CCDC66: variants seen among roughly 807,000 people sequenced by gnomAD.
The protein encoded by CCDC66 is coiled-coil domain containing 66.
In CCDC66, 133 loss-of-function variants were observed where a neutral mutation model predicts 128.3. The ratio of observed to expected loss-of-function variants is 1.04; its 90% CI spans 0.90 to 1.20. The LOEUF is 1.20. CCDC66 is among the 50% of genes most tolerant of loss of function. The pLI is 0.00. For synonymous variants in CCDC66, 387 were observed against 357.0 expected (o/e 1.08, Z -0.95); for missense variants, 1,126 against 1,075.5 (o/e 1.05, Z -0.66).
intron 10 of CCDC66, among the ~76,000 whole-genome samples, chr3:56,595,183 G>C (rs190158637): frequency 6.6e-6 from 1 of 152,128 alleles, no homozygotes; most frequent in East Asian, 1.9e-4. Flanking sequence ...TGTAGAATGC[G>C]TAATGATTCA....
chr3:56,585,894 G>C (rs1206510936), intron 7 of CCDC66, among the ~76,000 whole-genome samples: 1 of 151,794 alleles, frequency 6.6e-6, no homozygotes, highest in African/African-American at 2.4e-5. Context: ...CAATTTACAA[G>C]AATTTTGTGG....
intron 3 of CCDC66, 58 bp downstream of exon 3, chr3:56,559,652 T>C (rs11130525): frequency 0.87 from 1,145,939 of 1,310,866 alleles, 504,442 homozygotes; most frequent in Non-Finnish European, 0.91. Flanking sequence ...GTTTTATTTA[T>C]AGTGGTTAGA....
At chr3:56,576,277 A>C (rs1307043318) in intron 7 of CCDC66, among the ~76,000 whole-genome samples, 9 of 148,584 alleles carry the variant, frequency 6.1e-5, no homozygotes, top group Non-Finnish European at 1.0e-4. Flanking sequence ...TAATTTTTTA[A>C]ATTTTTTTTG....
chr3:56,566,107 C>CGTTTTGT (rs2065813752), intron 4 of CCDC66, among the ~76,000 whole-genome samples: 201 of 148,942 alleles, frequency 1.3e-3, no homozygotes, highest in Non-Finnish European at 2.2e-3. Context: ...CTTCAGTTTC[C>CGTTTTGT]TTTGTTTTGT....
chr3:56,562,994 CT>C (rs1323846488), intron 3 of CCDC66, among the ~76,000 whole-genome samples: 1 of 151,950 alleles, frequency 6.6e-6, no homozygotes, highest in Non-Finnish European at 1.5e-5. Context: ...TTGTTCTGGC[CT>C]TGGGATCCTG....
intron 6 of CCDC66, 83 bp from the exon 7 acceptor site, chr3:56,571,098 C>A: frequency 1.0e-6 from 1 of 985,358 alleles, no homozygotes; most frequent in Non-Finnish European, 1.5e-6. Flanking sequence ...GTGTTGGTAT[C>A]TGCATTAAGA....
chr3:56,570,866 T>C, intron 6 of CCDC66: 1 of 11,286 alleles, frequency 8.9e-5, no homozygotes, highest in South Asian at 8.6e-4. Context: ...CTCTTAATAA[T>C]AATTGAATGA....
In CCDC66 at chr3:56,593,091, T is replaced by C. The variant is rs1253500410; in HGVS notation, c.1058T>C (p.Ile353Thr). ...CAAAGAAAAATAGAGGAAAAAATTATATATTCAAAGGTAACTTATGAGGTT... is the reference window on the plus strand; with the variant it reads ...CAAAGAAAAATAGAGGAAAAAATTACATATTCAAAGGTAACTTATGAGGTT... ...DRQRKIEEKI[I>T]YSKGEEHDRW... Residue 353 changes from isoleucine to threonine, a missense_variant, in exon 8 of 18, where the codon ATA becomes ACA. Transcript: ENST00000394672. 3 of 1,593,544 alleles carry C rather than the reference T, an allele frequency of 1.9e-6. No individual in the cohort carries two copies. Among genetic ancestry groups the C allele is most frequent in the Non-Finnish European group, 2.6e-6 (3 of 1,166,794 alleles).
At chr3:56,594,953 T>G (rs1224619855) in intron 10 of CCDC66, among the ~76,000 whole-genome samples, 3 of 152,152 alleles carry the variant, frequency 2.0e-5, no homozygotes, top group African/African-American at 7.2e-5. Flanking sequence ...GTAGCCCTCC[T>G]AGGGTTGAAG....
chr3:56,616,131 T>A, intron 13 of CCDC66, 78 bp downstream of exon 13: 1 of 1,344,982 alleles, frequency 7.4e-7, no homozygotes, highest in Non-Finnish European at 1.0e-6. Context: ...AAGTTCAATT[T>A]AAAAGTTCAA....
intron 11 of CCDC66, 136 bp downstream of exon 11, chr3:56,613,886 C>T (rs531939115): frequency 1.1e-4 from 78 of 683,024 alleles, no homozygotes; most frequent in Non-Finnish European, 1.6e-4. Flanking sequence ...CACAAGTTGT[C>T]CTTCCACCTT....
intron 10 of CCDC66, among the ~76,000 whole-genome samples, chr3:56,597,475 T>C (rs966906251): frequency 1.3e-5 from 2 of 152,070 alleles, no homozygotes; most frequent in Non-Finnish European, 2.9e-5. Context: ...AATTTGTAGA[T>C]TGCCTTAGGC....
intron 13 of CCDC66, chr3:56,616,885 C>A: frequency 2.5e-6 from 1 of 406,110 alleles, no homozygotes; most frequent in Non-Finnish European, 4.3e-6. Flanking sequence ...TGATGTTGAG[C>A]ATCTTTTCAT....
intron 7 of CCDC66, chr3:56,572,641 G>A: frequency 5.1e-6 from 1 of 196,754 alleles, no homozygotes; most frequent in Non-Finnish European, 1.1e-5. Flanking sequence ...GTAACCTGAA[G>A]GGATGATTCT....
chr3:56,577,879 T>G (rs550100172), intron 7 of CCDC66, among the ~76,000 whole-genome samples: 1 of 151,946 alleles, frequency 6.6e-6, no homozygotes, highest in African/African-American at 2.4e-5. Context: ...TTCTTTTTGG[T>G]TAGGATTGTG....
At chr3:56,579,929 T>C (rs575806596) in intron 7 of CCDC66, among the ~76,000 whole-genome samples, 2 of 152,004 alleles carry the variant, frequency 1.3e-5, no homozygotes, top group African/African-American at 4.8e-5. Flanking sequence ...TTAGGTCTGC[T>C]TGGTGCAGAG....
In CCDC66 at chr3:56,560,636, C is replaced by A. The variant is rs555345573; in HGVS notation, c.102+1042C>A. On this transcript the variant is annotated intron_variant, in intron 3 of 17. Transcript: ENST00000394672. ...TTAGGAGGCTGAGGCAGAAGAATCACTTGAACCCTGGAGATGGAGGTTGTA... is the reference window on the plus strand; with the variant it reads ...TTAGGAGGCTGAGGCAGAAGAATCAATTGAACCCTGGAGATGGAGGTTGTA... Among the ~76,000 whole-genome samples, 102 of 152,286 alleles carry A rather than the reference C, an allele frequency of 6.7e-4. 1 individual carries two copies. Among genetic ancestry groups the A allele is most frequent in the African/African-American group, 2.5e-3 (102 of 41,564 alleles).
intron 7 of CCDC66, among the ~76,000 whole-genome samples, chr3:56,592,318 T>C (rs142783389): frequency 6.6e-6 from 1 of 152,340 alleles, no homozygotes; most frequent in Non-Finnish European, 1.5e-5. Context: ...TTCATCTGTT[T>C]TAAATTAATA....
intron 15 of CCDC66, 60 bp downstream of exon 15, chr3:56,618,272 G>A (rs1014782905): frequency 1.5e-5 from 22 of 1,419,488 alleles, no homozygotes; most frequent in Non-Finnish European, 2.1e-5. Context: ...GGACAAAAAA[G>A]GGATTCAAGA....
Sources: gnomAD v4.1 joint callset for allele counts (sites outside exome capture counted in the v4.1 genomes callset) on GRCh38, gnomAD v4.1.1 for gene constraint, MANE v1.5 for transcripts, NCBI Gene and HGNC (gene_info 2026-07-23, HGNC 2026-07-21) for gene names.